FRMD4A: variants seen among roughly 807,000 people sequenced by gnomAD.
The protein encoded by FRMD4A is FERM domain containing 4A.
Under a neutral mutation model 129.1 loss-of-function variants are expected in FRMD4A, and 29 were observed. The ratio of observed to expected loss-of-function variants is 0.22; its 90% confidence interval spans 0.17 to 0.31. FRMD4A has a LOEUF of 0.31. Ranked by LOEUF, FRMD4A falls within the 10% of genes least tolerant of loss-of-function variation. The probability of loss-of-function intolerance (pLI) is 1.00; values close to 1 mark genes in which losing one functional copy is unlikely to be tolerated. For synonymous variants in FRMD4A, 634 were observed against 571.6 expected, an observed-to-expected ratio of 1.11 and a Z score of -1.56; for missense variants, 1,272 against 1,375.8, an observed-to-expected ratio of 0.92 and a Z score of 1.19.
chr10:13,747,701 G>A, intron 9 of FRMD4A, 35 bp downstream of exon 9: 1 of 1,135,386 alleles, frequency 8.8e-7, no homozygotes, highest in Non-Finnish European at 1.3e-6. Flanking sequence ...ACCCCGAGAG[G>A]GACTCGCTCC....
intron 4 of FRMD4A, among the ~76,000 whole-genome samples, chr10:13,805,517 A>C (rs2130859260): frequency 6.6e-6 from 1 of 152,308 alleles, no homozygotes; most frequent in African/African-American, 2.4e-5. Context: ...AATTTATGAC[A>C]GGAGATTCAA....
At chr10:13,866,101 T>A (rs566858768) in intron 2 of FRMD4A, among the ~76,000 whole-genome samples, 1 of 152,338 alleles carries the variant, frequency 6.6e-6, no homozygotes, top group Non-Finnish European at 1.5e-5. Flanking sequence ...GCAATATTAA[T>A]GACTCACTAG....
At position 13,646,880 on chromosome 10, in the gene FRMD4A, C is replaced by T; in HGVS notation, c.*158G>A. ...GCGTCTGGGTAAGGCAAATGAGAGG[C>T]AGTGAGGTGATCTCAGAATGGCGTT... On this transcript the variant is annotated 3_prime_UTR_variant, in exon 25 of 25. Coordinates refer to ENST00000357447, the MANE Select transcript of FRMD4A (RefSeq NM_018027.5). 1 of 356,488 alleles carries T rather than the reference C, an allele frequency of 2.8e-6. No homozygotes were observed. The highest frequency in any genetic ancestry group is 3.9e-6 in the Non-Finnish European group (1 of 253,938). 22.1% of individuals were successfully genotyped at this position (356,488 alleles called of 1,614,324 possible). A position where few individuals can be genotyped will look rare whatever the true frequency, so the allele number is the denominator to read the frequency against.
chr10:13,706,594 G>C (rs2087467500), intron 13 of FRMD4A, among the ~76,000 whole-genome samples: 1 of 152,152 alleles, frequency 6.6e-6, no homozygotes, highest in South Asian at 2.1e-4. Flanking sequence ...TTTTCGCATT[G>C]ACCGTCCTGC....
At chr10:13,722,460 G>A (rs1398865586) in intron 12 of FRMD4A, among the ~76,000 whole-genome samples, 1 of 149,220 alleles carries the variant, frequency 6.7e-6, no homozygotes, top group Admixed American at 6.7e-5. Context: ...TGTCCAGGAT[G>A]GTCTTGAACT....
At chr10:14,177,582 G>A (rs912990343) in intron 2 of FRMD4A, among the ~76,000 whole-genome samples, 1 of 152,066 alleles carries the variant, frequency 6.6e-6, no homozygotes, top group Non-Finnish European at 1.5e-5. Flanking sequence ...ACTCTCTCTG[G>A]CTCTCAATCT....
At chr10:13,947,478 G>A (rs974834307) in intron 2 of FRMD4A, among the ~76,000 whole-genome samples, 8 of 152,064 alleles carry the variant, frequency 5.3e-5, no homozygotes, top group Non-Finnish European at 1.0e-4. Flanking sequence ...GAGTGGAGTT[G>A]GGAAGGTCTT....
chr10:14,055,612 C>G (rs940804816), intron 2 of FRMD4A, among the ~76,000 whole-genome samples: 1 of 152,194 alleles, frequency 6.6e-6, no homozygotes, highest in Non-Finnish European at 1.5e-5. Flanking sequence ...TATGCCTGCC[C>G]TCAGGTTACA....
chr10:14,300,091 GA>G, intron 2 of FRMD4A, among the ~76,000 whole-genome samples: 1 of 151,468 alleles, frequency 6.6e-6, no homozygotes, highest in Non-Finnish European at 1.5e-5. Flanking sequence ...CTTCGTGTAG[GA>G]GCCCTACACG....
At chr10:14,031,040 A>G (rs1833216612) in intron 2 of FRMD4A, among the ~76,000 whole-genome samples, 1 of 152,138 alleles carries the variant, frequency 6.6e-6, no homozygotes, top group Admixed American at 6.5e-5. Flanking sequence ...GTGAAACATA[A>G]TAACTCATCT....
chr10:13,884,182 A>ACTCT (rs1208227939), intron 2 of FRMD4A, among the ~76,000 whole-genome samples: 9 of 56,378 alleles, frequency 1.6e-4, no homozygotes, highest in African/African-American at 5.3e-4. Context: ...ACACTCACAC[A>ACTCT]CACACACACA....
chr10:14,320,855 C>A (rs1009845406), intron 2 of FRMD4A, among the ~76,000 whole-genome samples: 1 of 152,178 alleles, frequency 6.6e-6, no homozygotes, highest in African/African-American at 2.4e-5. Context: ...ACCCCGGGGC[C>A]ATGGCCCAGG....
chr10:14,095,117 G>A (rs570520826), intron 2 of FRMD4A, among the ~76,000 whole-genome samples: 28 of 152,240 alleles, frequency 1.8e-4, no homozygotes, highest in Non-Finnish European at 2.5e-4. Context: ...GAGTTTTAAC[G>A]CTGTGATAGT....
rs76955789 is a variant in FRMD4A at position 13,734,018 on chromosome 10, A to G, written c.759+3826T>C. Among the ~76,000 whole-genome samples the G allele has an allele frequency of 6.3e-4, 96 of 152,292 alleles. No individual in the cohort carries two copies. The East Asian group carries it at 0.015, about 24-fold the overall frequency. ...GTCACAGGCACCTGGATGTCCCATC[A>G]AGCCTGCCGCGTTGCATGTCCTAAG... On this transcript the variant is annotated intron_variant, in intron 12 of 24. Coordinates refer to ENST00000357447, the MANE Select transcript of FRMD4A (RefSeq NM_018027.5).
chr10:14,008,279 A>G, intron 2 of FRMD4A: 2 of 1,026,438 alleles, frequency 1.9e-6, no homozygotes, highest in Non-Finnish European at 2.4e-6. Flanking sequence ...GTTCCCAAAT[A>G]TCAAATAACT....
At chr10:13,995,421 C>G (rs1486637460) in intron 2 of FRMD4A, among the ~76,000 whole-genome samples, 1 of 152,150 alleles carries the variant, frequency 6.6e-6, no homozygotes, top group African/African-American at 2.4e-5. Context: ...CCTGTCTCTA[C>G]TAAAAATACA....
At chr10:13,910,267 A>G (rs2094927771) in intron 2 of FRMD4A, among the ~76,000 whole-genome samples, 1 of 152,258 alleles carries the variant, frequency 6.6e-6, no homozygotes, top group African/African-American at 2.4e-5. Context: ...CCTAGCTGCC[A>G]TGTGAACAAG....
At chr10:14,236,507 C>T (rs1843819329) in intron 2 of FRMD4A, among the ~76,000 whole-genome samples, 1 of 152,166 alleles carries the variant, frequency 6.6e-6, no homozygotes, top group Non-Finnish European at 1.5e-5. Flanking sequence ...TGGATGCTTG[C>T]TGCTGCTGCT....
At chr10:13,937,036 A>G (rs1311214805) in intron 2 of FRMD4A, among the ~76,000 whole-genome samples, 1 of 152,222 alleles carries the variant, frequency 6.6e-6, no homozygotes, top group Non-Finnish European at 1.5e-5. Flanking sequence ...TGGGCTCACC[A>G]AAGGAGCCTT....
Sources: gnomAD v4.1 joint callset for allele counts (sites outside exome capture counted in the v4.1 genomes callset) on GRCh38, gnomAD v4.1.1 for gene constraint, MANE v1.5 for transcripts, NCBI Gene and HGNC (gene_info 2026-07-23, HGNC 2026-07-21) for gene names.